Variants in SAE1 observed in about 807,000 individuals in gnomAD.
SAE1 encodes the protein SUMO-activating enzyme subunit 1.
In SAE1, 11 loss-of-function variants were observed where a neutral mutation model predicts 40.6. The observed-to-expected ratio is 0.27, with a 90% CI of 0.17 to 0.45. The LOEUF (loss-of-function observed/expected upper bound fraction) is 0.45. Among genes scored for constraint, SAE1 ranks in the 20% least tolerant of loss-of-function variants. The probability of loss-of-function intolerance (pLI) is 1.00; values close to 1 mark genes in which losing one functional copy is unlikely to be tolerated. For synonymous variants in SAE1, 155 were observed against 154.3 expected (o/e 1.00, Z -0.03); for missense variants, 373 against 427.3 (o/e 0.87, Z 1.12).
At chr19:47,168,142 G>A (rs1414077842) in intron 5 of SAE1, among the ~76,000 whole-genome samples, 1 of 152,068 alleles carries the variant, frequency 6.6e-6, no homozygotes, top group Non-Finnish European at 1.5e-5. Context: ...GCAGCGAGCT[G>A]AGATCATGCA....
chr19:47,185,188 A>G (rs1174483836), intron 6 of SAE1, among the ~76,000 whole-genome samples: 2 of 152,214 alleles, frequency 1.3e-5, no homozygotes, highest in Admixed American at 6.5e-5. Context: ...CTCTGTTTCA[A>G]CATAGTTTTT....
At position 47,209,510 on chromosome 19, in the gene SAE1, G is replaced by A; in HGVS notation, c.*259G>A. 1.7e-6 allele frequency: 1 copy of A among 586,420 alleles called. No individual in the cohort carries two copies. The highest frequency in any genetic ancestry group is 3.0e-6 in the Non-Finnish European group (1 of 333,342). 36.3% of individuals were successfully genotyped at this position (586,420 alleles called of 1,614,324 possible). On this transcript the variant is annotated 3_prime_UTR_variant, in exon 9 of 9. Coordinates refer to ENST00000270225, the MANE Select transcript of SAE1 (RefSeq NM_005500.3). Reference sequence around the variant, plus strand: ...TCATCCCGGGCCTGCCAGCTCCCCTGAGTGATGAGCACTTCCAAGCACCCC... The same window carrying A: ...TCATCCCGGGCCTGCCAGCTCCCCTAAGTGATGAGCACTTCCAAGCACCCC...
At chr19:47,157,023 T>G (rs2058328455) in intron 5 of SAE1, among the ~76,000 whole-genome samples, 1 of 152,184 alleles carries the variant, frequency 6.6e-6, no homozygotes, top group African/African-American at 2.4e-5. Context: ...CTGGTCAGAA[T>G]GTTGAGTTAA....
At chr19:47,204,061 AG>A (rs2123325604) in intron 8 of SAE1, among the ~76,000 whole-genome samples, 1 of 152,142 alleles carries the variant, frequency 6.6e-6, no homozygotes, top group Non-Finnish European at 1.5e-5. Flanking sequence ...TAGCTCTATA[AG>A]TGAGTACTAT....
intron 6 of SAE1, among the ~76,000 whole-genome samples, chr19:47,181,852 G>A (rs970461256): frequency 7.5e-6 from 1 of 133,548 alleles, no homozygotes; most frequent in African/African-American, 2.8e-5. Flanking sequence ...CTCTAAGGCT[G>A]TAGTGCAGTG....
chr19:47,188,515 C>A (rs1190983251), intron 6 of SAE1, among the ~76,000 whole-genome samples: 1 of 152,156 alleles, frequency 6.6e-6, no homozygotes, highest in Admixed American at 6.6e-5. Flanking sequence ...CTGTGTGACA[C>A]AGGTTACCAC....
chr19:47,208,231 ATTG>A (rs1353475501), intron 8 of SAE1, among the ~76,000 whole-genome samples: 2 of 152,054 alleles, frequency 1.3e-5, no homozygotes, highest in East Asian at 3.9e-4. Context: ...AGTGTTAGTC[ATTG>A]TTTTAGTTTT....
At chr19:47,172,220 G>T (rs929204684) in intron 6 of SAE1, among the ~76,000 whole-genome samples, 5 of 152,208 alleles carry the variant, frequency 3.3e-5, no homozygotes, top group African/African-American at 7.2e-5. Flanking sequence ...CGCTCAGCTG[G>T]ATGAACTATT....
At chr19:47,137,723 GTGTGT>G (rs916780635) in intron 1 of SAE1, among the ~76,000 whole-genome samples, 9 of 134,528 alleles carry the variant, frequency 6.7e-5, no homozygotes, top group Non-Finnish European at 1.2e-4. Context: ...GTGTGTGTGT[GTGTGT>G]TGTTTTTTTT....
At chr19:47,154,964 C>G (rs1203482571) in intron 4 of SAE1, 150 bp from the exon 5 acceptor site, 3 of 624,218 alleles carry the variant, frequency 4.8e-6, no homozygotes, top group African/African-American at 1.8e-5. Flanking sequence ...ATCATGTTAT[C>G]AATGGCAGAG....
intron 6 of SAE1, among the ~76,000 whole-genome samples, chr19:47,189,573 CAAA>C (rs757452746): frequency 6.6e-6 from 1 of 151,480 alleles, no homozygotes; most frequent in Non-Finnish European, 1.5e-5. Context: ...AACGAACAAA[CAAA>C]AAAAACAAAA....
At chr19:47,178,508 T>C (rs2058484482) in intron 6 of SAE1, among the ~76,000 whole-genome samples, 1 of 152,252 alleles carries the variant, frequency 6.6e-6, no homozygotes, top group Non-Finnish European at 1.5e-5. Flanking sequence ...AGAGTCTAGC[T>C]TTGTTGCCCA....
chr19:47,164,871 C>T (rs2058382115), intron 5 of SAE1, among the ~76,000 whole-genome samples: 1 of 151,652 alleles, frequency 6.6e-6, no homozygotes, highest in South Asian at 2.1e-4. Flanking sequence ...CCAGGATGGT[C>T]TCGATCTCCT....
intron 1 of SAE1, among the ~76,000 whole-genome samples, chr19:47,139,329 G>A (rs1006702085): frequency 2.0e-5 from 3 of 151,438 alleles, no homozygotes; most frequent in African/African-American, 7.3e-5. Flanking sequence ...GGCGTGAGTC[G>A]CCGCGCCTGG....
chr19:47,137,390 A>G (rs1219949912), intron 1 of SAE1, among the ~76,000 whole-genome samples: 3 of 152,190 alleles, frequency 2.0e-5, no homozygotes, highest in African/African-American at 7.2e-5. Context: ...CTCTGTCTCA[A>G]AAATAAATAA....
intron 4 of SAE1, among the ~76,000 whole-genome samples, chr19:47,153,446 G>A (rs2058300068): frequency 6.6e-6 from 1 of 152,152 alleles, no homozygotes; most frequent in Non-Finnish European, 1.5e-5. Context: ...AGGACTTGCC[G>A]TGTTTTGACT....
intron 7 of SAE1, among the ~76,000 whole-genome samples, chr19:47,201,017 C>A (rs2058650701): frequency 6.6e-6 from 1 of 151,728 alleles, no homozygotes; most frequent in Non-Finnish European, 1.5e-5. Context: ...GCCACCATGC[C>A]CAGCTATTTT....
Position 47,166,180 on chromosome 19 carries a change from G to A in SAE1, c.628-3638G>A, listed in dbSNP as rs147304015. Reference sequence around the variant, plus strand: ...TCTGAATGCTTAGGCCAGAGACGTGGGGGTTTGGTGAGAAAGGATGAGCTG... The same window carrying A: ...TCTGAATGCTTAGGCCAGAGACGTGAGGGTTTGGTGAGAAAGGATGAGCTG... On this transcript the variant is annotated intron_variant, in intron 5 of 8. Transcript: ENST00000270225. Among the ~76,000 whole-genome samples, 467 of 152,236 alleles carry A rather than the reference G, an allele frequency of 3.1e-3. 16 individuals carry two copies. In the East Asian group the frequency reaches 0.08, roughly 26 times the overall value.
At chr19:47,154,099 ATTATTT>A (rs2058305246) in intron 4 of SAE1, among the ~76,000 whole-genome samples, 1 of 136,886 alleles carries the variant, frequency 7.3e-6, no homozygotes, top group Non-Finnish European at 1.6e-5. Context: ...GGCTATTATT[ATTATTT>A]TTGAGACGGA....
Sources: gnomAD v4.1 joint callset for allele counts (sites outside exome capture counted in the v4.1 genomes callset) on GRCh38, gnomAD v4.1.1 for gene constraint, MANE v1.5 for transcripts, NCBI Gene and HGNC (gene_info 2026-07-23, HGNC 2026-07-21) for gene names.